The following ADAMTS19 variants were observed in gnomAD, a reference collection of about 807,000 sequenced individuals.
ADAMTS19 encodes A disintegrin and metalloproteinase with thrombospondin motifs 19.
In ADAMTS19, 93 loss-of-function variants were observed where a neutral mutation model predicts 153.3. The observed-to-expected ratio is 0.61, with a 90% CI of 0.51 to 0.72. The LOEUF (loss-of-function observed/expected upper bound fraction) is 0.72, where lower values mean the gene tolerates loss of function less well. ADAMTS19 is among the 30% of genes least tolerant of loss of function. The pLI, the probability that ADAMTS19 is intolerant of heterozygous loss-of-function variation, is 0.00. For synonymous variants in ADAMTS19, 600 were observed against 556.6 expected (o/e 1.08, Z -1.10); for missense variants, 1,482 against 1,552.1 (o/e 0.95, Z 0.76).
Position 129,460,421 on chromosome 5 carries a change from T to G in ADAMTS19, c.30T>G (p.Thr10=). Residue 10 remains threonine (T), a synonymous_variant, in exon 1 of 23, where the codon ACT becomes ACG. Transcript: ENST00000274487. ...GGAAGAACCGCGAGATGCGCCTGACTCACATCTGCTGCTGCTGCCTCCTTT... is the reference window on the plus strand; with the variant it reads ...GGAAGAACCGCGAGATGCGCCTGACGCACATCTGCTGCTGCTGCCTCCTTT... MGKNREMRL[T]HICCCCLLYQ... 1 of 1,614,106 alleles carries G rather than the reference T, an allele frequency of 6.2e-7. No individual in the cohort carries two copies. The highest frequency in any genetic ancestry group is 8.5e-7 in the Non-Finnish European group (1 of 1,180,028).
intron 2 of ADAMTS19, among the ~76,000 whole-genome samples, chr5:129,499,102 A>T (rs1246474307): frequency 6.6e-6 from 1 of 152,090 alleles, no homozygotes; most frequent in Non-Finnish European, 1.5e-5. Flanking sequence ...TAAGAAGTAG[A>T]TTTTAAAATA....
chr5:129,733,660 T>A (rs1581274796), intron 21 of ADAMTS19, among the ~76,000 whole-genome samples: 1 of 152,118 alleles, frequency 6.6e-6, no homozygotes. Context: ...AAACAACAGA[T>A]GTTGGTGAGG....
At chr5:129,662,887 C>CTT (rs545012539) in intron 15 of ADAMTS19, among the ~76,000 whole-genome samples, 14 of 125,420 alleles carry the variant, frequency 1.1e-4, no homozygotes, top group East Asian at 2.4e-4. Flanking sequence ...GATTCTTCTT[C>CTT]ATTTTTTTTT....
Position 129,461,816 on chromosome 5 carries a change from A to G in ADAMTS19, c.747+59A>G, listed in dbSNP as rs892551471. On this transcript the variant is annotated intron_variant, in intron 2 of 22. Transcript: ENST00000274487. The surrounding 1 kb of genome is among the most constrained non-coding windows in gnomAD (Gnocchi z 4.6). ...CCCTGCTGCTCCTCTCCTTGCCCAT[A>G]GGTCAGGATGATTTGCATGCACCTT... 4.8e-6 allele frequency: 7 copies of G among 1,458,076 alleles called. No homozygotes were observed. In the Admixed American group the frequency reaches 1.6e-4, roughly 33 times the overall value. 90.3% of individuals were successfully genotyped at this position (1,458,076 alleles called of 1,614,324 possible).
intron 7 of ADAMTS19, among the ~76,000 whole-genome samples, chr5:129,556,569 T>A (rs1336117772): frequency 2.0e-5 from 3 of 152,122 alleles, no homozygotes; most frequent in South Asian, 4.1e-4. Flanking sequence ...TGGATGGAAT[T>A]AAGGCTGCCA....
At chr5:129,509,604 C>T (rs1218027959) in intron 3 of ADAMTS19, among the ~76,000 whole-genome samples, 1 of 151,946 alleles carries the variant, frequency 6.6e-6, no homozygotes, top group Non-Finnish European at 1.5e-5. Flanking sequence ...TAATTTAGTC[C>T]ACCTCTGTGA....
At chr5:129,553,833 C>G (rs894660103) in intron 7 of ADAMTS19, among the ~76,000 whole-genome samples, 2 of 152,056 alleles carry the variant, frequency 1.3e-5, no homozygotes, top group African/African-American at 4.8e-5. Context: ...CACCCAAACC[C>G]CACAAAAACC....
In ADAMTS19 at chr5:129,631,170, T is replaced by G. The variant is rs1227185124; in HGVS notation, c.1770+8822T>G. Among the ~76,000 whole-genome samples the G allele has an allele frequency of 2.7e-5, 4 of 148,578 alleles. 1 individual carries two copies. Among genetic ancestry groups the G allele is most frequent in the South Asian group, 4.2e-4 (2 of 4,752 alleles). On this transcript the variant is annotated intron_variant, in intron 10 of 22. Coordinates refer to ENST00000274487, the MANE Select transcript of ADAMTS19 (RefSeq NM_133638.6). ...TTGGGAAAATTTTAGGTTTTTTTTT[T>G]TTTTTTTTTTTATCACTTAAGCATT...
chr5:129,689,421 T>C (rs1179505290), intron 18 of ADAMTS19, among the ~76,000 whole-genome samples: 2 of 152,116 alleles, frequency 1.3e-5, no homozygotes, highest in Non-Finnish European at 2.9e-5. Context: ...ATTTGTTCTG[T>C]TTTTACTTTT....
chr5:129,672,571 A>C (rs537872496), intron 16 of ADAMTS19, among the ~76,000 whole-genome samples: 14 of 152,312 alleles, frequency 9.2e-5, no homozygotes, highest in African/African-American at 3.1e-4. Flanking sequence ...ACTCTAAAGA[A>C]CTACAACTTC....
chr5:129,617,889 T>C (rs145097210), intron 8 of ADAMTS19, among the ~76,000 whole-genome samples: 100 of 152,208 alleles, frequency 6.6e-4, no homozygotes, highest in African/African-American at 2.3e-3. Context: ...AATCTGTTTA[T>C]GTATCTTTTG....
intron 3 of ADAMTS19, among the ~76,000 whole-genome samples, chr5:129,512,290 A>G (rs867309561): frequency 2.0e-5 from 3 of 151,986 alleles, no homozygotes; most frequent in South Asian, 2.1e-4. Flanking sequence ...CCATACTCCA[A>G]CCATAAGTAT....
At chr5:129,524,884 C>T (rs1393682667) in intron 3 of ADAMTS19, among the ~76,000 whole-genome samples, 1 of 152,048 alleles carries the variant, frequency 6.6e-6, no homozygotes. Context: ...GCATTTCTTC[C>T]CAGGCTTTGA....
chr5:129,506,989 T>C (rs1424666209), intron 2 of ADAMTS19, among the ~76,000 whole-genome samples: 1 of 152,050 alleles, frequency 6.6e-6, no homozygotes, highest in Non-Finnish European at 1.5e-5. Flanking sequence ...GTTACACAGC[T>C]AGCAGTAAGT....
chr5:129,468,792 T>G (rs2126646345), intron 2 of ADAMTS19, among the ~76,000 whole-genome samples: 1 of 152,260 alleles, frequency 6.6e-6, no homozygotes, highest in Non-Finnish European at 1.5e-5. Context: ...TATTATTATT[T>G]TAATGATGGA....
intron 19 of ADAMTS19, among the ~76,000 whole-genome samples, chr5:129,697,517 T>C (rs2127153015): frequency 6.6e-6 from 1 of 152,368 alleles, no homozygotes; most frequent in East Asian, 1.9e-4. Flanking sequence ...GGAAAAGTAA[T>C]GGACATATCT....
intron 7 of ADAMTS19, among the ~76,000 whole-genome samples, chr5:129,589,529 A>T (rs759092963): frequency 2.2e-4 from 34 of 152,098 alleles, no homozygotes; most frequent in Non-Finnish European, 7.4e-5. Flanking sequence ...CAGATCAGTG[A>T]AAGTTTTTAT....
At chr5:129,628,547 A>G (rs973431525) in intron 10 of ADAMTS19, among the ~76,000 whole-genome samples, 3 of 152,062 alleles carry the variant, frequency 2.0e-5, no homozygotes, top group Non-Finnish European at 2.9e-5. Flanking sequence ...AAAGGGTTTG[A>G]CACATCATTA....
chr5:129,604,768 A>G (rs1750813946), intron 8 of ADAMTS19, among the ~76,000 whole-genome samples: 2 of 152,346 alleles, frequency 1.3e-5, no homozygotes, highest in Non-Finnish European at 2.9e-5. Context: ...TCAATAAAGT[A>G]TCAGGTAAAT....
Sources: gnomAD v4.1 joint callset for allele counts (sites outside exome capture counted in the v4.1 genomes callset) on GRCh38, gnomAD v4.1.1 for gene constraint, Gnocchi (gnomAD v3.1) non-coding constraint, MANE v1.5 for transcripts, NCBI Gene and HGNC (gene_info 2026-07-23, HGNC 2026-07-21) for gene names.